SMAD1: variants seen among roughly 807,000 people sequenced by gnomAD.
SMAD1 encodes the protein SMAD family member 1.
In SMAD1, 6 loss-of-function variants were observed where a neutral mutation model predicts 41.6. The ratio of observed to expected loss-of-function variants is 0.14; its 90% CI spans 0.08 to 0.28. The LOEUF is 0.28. SMAD1 is among the 10% of genes least tolerant of loss of function. SMAD1 has a pLI of 1.00. For missense variants in SMAD1, 379 were observed against 582.6 expected (o/e 0.65, Z 3.60); for synonymous variants, 206 against 203.2 (o/e 1.01, Z -0.12).
At chr4:145,510,354 G>A (rs1016907956) in intron 1 of SMAD1, among the ~76,000 whole-genome samples, 1 of 151,914 alleles carries the variant, frequency 6.6e-6, no homozygotes, top group African/African-American at 2.4e-5. Context: ...TAGAGTGTTA[G>A]TTTTCAGCTT....
chr4:145,547,461 A>G lies in SMAD1; in HGVS notation c.997+537A>G, dbSNP rs554936165. 9.2e-5 allele frequency among the ~76,000 whole-genome samples: 14 copies of G among 152,354 alleles called. No homozygotes were observed. The East Asian group carries it at 2.5e-3, about 27-fold the overall frequency. Reference sequence around the variant, plus strand: ...CAGGCATGGATATATTTATAATAAGAAAAAATAAAGACCAAAAAACAAGCC... The same window carrying G: ...CAGGCATGGATATATTTATAATAAGGAAAAATAAAGACCAAAAAACAAGCC... On this transcript the variant is annotated intron_variant, in intron 5 of 6. Transcript: ENST00000302085.
intron 2 of SMAD1, among the ~76,000 whole-genome samples, chr4:145,524,143 CAG>C (rs1553947082): frequency 1.3e-5 from 2 of 152,120 alleles, no homozygotes; most frequent in Non-Finnish European, 2.9e-5. Flanking sequence ...GGAGATAAGA[CAG>C]TGAACGCTTT....
At chr4:145,481,784 A>AC (rs1728186015), upstream of SMAD1, 1 of 191,348 alleles carries the variant, frequency 5.2e-6, no homozygotes, top group Non-Finnish European at 1.1e-5. Context: ...CGGGCAGGCG[A>AC]GTGCGCCGGG....
intron 1 of SMAD1, among the ~76,000 whole-genome samples, chr4:145,496,904 A>G (rs571464751): frequency 6.6e-6 from 1 of 152,288 alleles, no homozygotes; most frequent in South Asian, 2.1e-4. Context: ...GTTCTGTAAA[A>G]GTCTGTTTTT....
intron 1 of SMAD1, among the ~76,000 whole-genome samples, chr4:145,491,723 C>A (rs893138250): frequency 1.3e-5 from 2 of 152,168 alleles, no homozygotes; most frequent in South Asian, 4.1e-4. Context: ...TGGTTTTCGT[C>A]CAGGAGTTTC....
chr4:145,540,769 C>T (rs957569381), intron 3 of SMAD1, among the ~76,000 whole-genome samples: 3 of 149,554 alleles, frequency 2.0e-5, no homozygotes, highest in African/African-American at 7.4e-5. Context: ...AAATTTCTTG[C>T]CAGTAGACTT....
chr4:145,488,476 T>G (rs950909698), intron 1 of SMAD1, among the ~76,000 whole-genome samples: 7 of 148,734 alleles, frequency 4.7e-5, no homozygotes, highest in African/African-American at 1.2e-4. Context: ...CCCTGTCTTT[T>G]TGTGTGTGTG....
chr4:145,528,483 T>C (rs934312209), intron 2 of SMAD1, among the ~76,000 whole-genome samples: 5 of 152,132 alleles, frequency 3.3e-5, no homozygotes, highest in African/African-American at 4.8e-5. Context: ...CTCAAGTGAT[T>C]CACCCACCTT....
At position 145,538,582 on chromosome 4, in the gene SMAD1, A is replaced by C. The variant is rs143182981; in HGVS notation, c.401-1222A>C. Among the ~76,000 whole-genome samples, 11 of 152,314 alleles carry C rather than the reference A, an allele frequency of 7.2e-5. No homozygotes were observed. In the East Asian group the frequency reaches 2.1e-3, roughly 29 times the overall value. On this transcript the variant is annotated intron_variant, in intron 2 of 6. Coordinates refer to ENST00000302085, the MANE Select transcript of SMAD1 (RefSeq NM_005900.3). Reference sequence around the variant, plus strand: ...AAGAGCACTTTTTACTGTAGAAATGATATAAATTATGCATAGATTCCCTGG... The same window carrying C: ...AAGAGCACTTTTTACTGTAGAAATGCTATAAATTATGCATAGATTCCCTGG...
chr4:145,522,976 T>A (rs1308694994), intron 2 of SMAD1, among the ~76,000 whole-genome samples: 1 of 152,196 alleles, frequency 6.6e-6, no homozygotes, highest in Non-Finnish European at 1.5e-5. Flanking sequence ...CGTGCCTGGC[T>A]GTGAATGTGT....
intron 3 of SMAD1, among the ~76,000 whole-genome samples, chr4:145,541,721 C>T (rs1731947706): frequency 6.6e-6 from 1 of 152,092 alleles, no homozygotes; most frequent in Non-Finnish European, 1.5e-5. Flanking sequence ...TGAGTGGTCT[C>T]GATTACTTAT....
At chr4:145,550,642 G>A (rs1296165601) in intron 5 of SMAD1, among the ~76,000 whole-genome samples, 1 of 152,102 alleles carries the variant, frequency 6.6e-6, no homozygotes, top group East Asian at 1.9e-4. Context: ...TTATAGTTGG[G>A]CATTGTGCCT....
chr4:145,495,241 G>T (rs1729003808), intron 1 of SMAD1, among the ~76,000 whole-genome samples: 1 of 152,152 alleles, frequency 6.6e-6, no homozygotes, highest in Non-Finnish European at 1.5e-5. Flanking sequence ...AGGGGATCAG[G>T]AGACAGATGG....
chr4:145,490,112 T>C (rs1046451877), intron 1 of SMAD1, among the ~76,000 whole-genome samples: 2 of 152,208 alleles, frequency 1.3e-5, no homozygotes, highest in Non-Finnish European at 2.9e-5. Flanking sequence ...TTATATTGCC[T>C]TAAGTGACTT....
At chr4:145,506,592 T>C (rs1264563488) in intron 1 of SMAD1, among the ~76,000 whole-genome samples, 1 of 152,174 alleles carries the variant, frequency 6.6e-6, no homozygotes, top group Non-Finnish European at 1.5e-5. Context: ...TGAACATTAT[T>C]TGTCTCCTAA....
At chr4:145,503,694 A>T (rs1198265608) in intron 1 of SMAD1, among the ~76,000 whole-genome samples, 1 of 152,182 alleles carries the variant, frequency 6.6e-6, no homozygotes, top group Non-Finnish European at 1.5e-5. Context: ...TATAACGTTG[A>T]TGAGAAAAAA....
At position 145,555,885 on chromosome 4, in the gene SMAD1, A is replaced by G. The variant is rs897688193; in HGVS notation, c.1254+1845A>G. On this transcript the variant is annotated intron_variant, in intron 6 of 6. Transcript: ENST00000302085. ...ACTAGAATGGAGAGTTATACAAGATATAATGAACTTAGCCTGGAAGTTGGA... is the reference window on the plus strand; with the variant it reads ...ACTAGAATGGAGAGTTATACAAGATGTAATGAACTTAGCCTGGAAGTTGGA... Among the ~76,000 whole-genome samples the G allele has an allele frequency of 5.3e-5, 8 of 152,190 alleles. No homozygotes were observed. In the East Asian group the frequency reaches 9.6e-4, roughly 18 times the overall value.
intron 2 of SMAD1, among the ~76,000 whole-genome samples, chr4:145,537,537 C>T (rs942989133): frequency 1.3e-5 from 2 of 152,066 alleles, no homozygotes; most frequent in Non-Finnish European, 2.9e-5. Context: ...TTTATAACTG[C>T]CTCAAACTGG....
intron 2 of SMAD1, among the ~76,000 whole-genome samples, chr4:145,523,560 T>C (rs1255564884): frequency 1.3e-5 from 2 of 152,300 alleles, no homozygotes; most frequent in East Asian, 3.9e-4. Flanking sequence ...ACAAATATAC[T>C]ATGTATATTT....
Sources: allele counts gnomAD v4.1 joint callset (sites outside exome capture counted in the v4.1 genomes callset), GRCh38; gene constraint gnomAD v4.1.1; transcripts MANE v1.5; gene names NCBI Gene and HGNC (gene_info 2026-07-23, HGNC 2026-07-21).